PAAF1: variants seen among roughly 807,000 people sequenced by gnomAD.
The protein encoded by PAAF1 is proteasomal ATPase associated factor 1.
A neutral mutation model predicts 52.8 loss-of-function variants in PAAF1; 46 were observed. The ratio of observed to expected loss-of-function variants is 0.87; its 90% CI spans 0.69 to 1.11. The LOEUF is 1.11. Ranked by LOEUF, PAAF1 falls within the 50% of genes most tolerant of loss-of-function variation. The pLI, the probability that PAAF1 is intolerant of heterozygous loss-of-function variation, is 0.00. For missense variants in PAAF1, 424 were observed against 477.4 expected, an observed-to-expected ratio of 0.89 and a Z score of 1.04; for synonymous variants, 178 against 172.8, an observed-to-expected ratio of 1.03 and a Z score of -0.24.
intron 7 of PAAF1, among the ~76,000 whole-genome samples, chr11:73,909,876 C>T (rs1400465209): frequency 1.3e-5 from 2 of 152,058 alleles, no homozygotes; most frequent in Admixed American, 1.3e-4. Flanking sequence ...CTTCCCTGGG[C>T]CACATTGGAA....
At chr11:73,896,755 C>T (rs933500910) in intron 4 of PAAF1, among the ~76,000 whole-genome samples, 17 of 152,362 alleles carry the variant, frequency 1.1e-4, no homozygotes, top group African/African-American at 3.4e-4. Flanking sequence ...CCTTTCCCCC[C>T]TTTCTATTCT....
intron 10 of PAAF1, chr11:73,922,237 AC>A: frequency 1.6e-6 from 1 of 628,772 alleles, no homozygotes; most frequent in South Asian, 1.4e-5. Flanking sequence ...GATTTTTTGT[AC>A]TTTTCTACTT....
intron 11 of PAAF1, 46 bp downstream of exon 11, chr11:73,924,743 A>G: frequency 6.8e-7 from 1 of 1,474,228 alleles, no homozygotes; most frequent in Non-Finnish European, 9.5e-7. Flanking sequence ...CTCATGAGAG[A>G]TCTAGGGCTT....
At chr11:73,882,159 G>A (rs1033378705) in intron 2 of PAAF1, among the ~76,000 whole-genome samples, 2 of 151,872 alleles carry the variant, frequency 1.3e-5, no homozygotes, top group Non-Finnish European at 2.9e-5. Flanking sequence ...GGGATTACAG[G>A]CGTGAGCCAC....
Position 73,903,830 on chromosome 11 carries a change from T to A in PAAF1, c.532+3410T>A, listed in dbSNP as rs189678148. On this transcript the variant is annotated intron_variant, in intron 6 of 11. Transcript: ENST00000310571. ...CGGGCGCAGCGTCTCACCCCTGTAA[T>A]CCCAGTACTTTGGGAGGCCGAGGTG... Among the ~76,000 whole-genome samples, 449 of 151,176 alleles carry A rather than the reference T, an allele frequency of 3.0e-3. 2 individuals carry two copies. Among genetic ancestry groups the A allele is most frequent in the African/African-American group, 0.01 (419 of 41,146 alleles).
chr11:73,880,722 G>C (rs1948878458), intron 2 of PAAF1: 1 of 133,992 alleles, frequency 7.5e-6, no homozygotes, highest in Non-Finnish European at 1.5e-5. Flanking sequence ...AAAAAAGCCA[G>C]GCACAGCAGC....
At chr11:73,902,157 TG>T (rs1949639073) in intron 6 of PAAF1, among the ~76,000 whole-genome samples, 1 of 152,102 alleles carries the variant, frequency 6.6e-6, no homozygotes, top group Non-Finnish European at 1.5e-5. Context: ...CCACTGCGCC[TG>T]GCCCAAGTTT....
intron 4 of PAAF1, among the ~76,000 whole-genome samples, chr11:73,897,545 T>C (rs977800127): frequency 4.5e-5 from 6 of 131,898 alleles, no homozygotes; most frequent in Non-Finnish European, 9.6e-5. Context: ...TCTCAGACGA[T>C]GGGCGGCCGG....
chr11:73,911,622 C>CTTT (rs781166373), intron 7 of PAAF1, among the ~76,000 whole-genome samples: 20 of 120,504 alleles, frequency 1.7e-4, no homozygotes, highest in South Asian at 2.9e-4. Context: ...AGTGACCTTC[C>CTTT]TTTTTTTTTT....
At chr11:73,887,248 A>T (rs1456181698) in intron 2 of PAAF1, 106 bp from the exon 3 acceptor site, 2 of 739,654 alleles carry the variant, frequency 2.7e-6, no homozygotes, top group Non-Finnish European at 4.3e-6. Context: ...TTCGTGGGCC[A>T]ATTTCATGGG....
intron 10 of PAAF1, chr11:73,921,725 G>T: frequency 1.8e-6 from 2 of 1,085,690 alleles, no homozygotes; most frequent in Non-Finnish European, 2.8e-6. Flanking sequence ...CACTTGCAGC[G>T]TTTATCATTC....
chr11:73,881,084 C>T (rs1323563955), intron 2 of PAAF1, among the ~76,000 whole-genome samples: 1 of 152,106 alleles, frequency 6.6e-6, no homozygotes, highest in Non-Finnish European at 1.5e-5. Flanking sequence ...CATTAAAATT[C>T]ACCTTCTCTT....
intron 10 of PAAF1, among the ~76,000 whole-genome samples, chr11:73,923,470 G>A (rs932900870): frequency 2.0e-5 from 3 of 152,022 alleles, no homozygotes; most frequent in African/African-American, 7.2e-5. Flanking sequence ...GGTGATTTTT[G>A]TACCTCTGCT....
At chr11:73,916,754 A>G (rs949558311) in intron 9 of PAAF1, 94 bp downstream of exon 9, 16 of 746,128 alleles carry the variant, frequency 2.1e-5, no homozygotes, top group African/African-American at 7.1e-5. Context: ...ATAGATAACT[A>G]TTGAATCAAG....
intron 2 of PAAF1, 184 bp downstream of exon 2, chr11:73,879,003 AT>A (rs1449819626): frequency 1.6e-5 from 7 of 428,360 alleles, no homozygotes; most frequent in African/African-American, 1.2e-4. Flanking sequence ...CTTCAGATTG[AT>A]TTTCCATTTG....
At chr11:73,878,868 A>G (rs1426361580) in intron 2 of PAAF1, 49 bp downstream of exon 2, 1 of 1,553,828 alleles carries the variant, frequency 6.4e-7, no homozygotes, top group Non-Finnish European at 8.8e-7. Flanking sequence ...AGAAGGATTA[A>G]TACCCTTAAA....
intron 2 of PAAF1, among the ~76,000 whole-genome samples, chr11:73,880,861 G>A (rs573268985): frequency 2.6e-5 from 4 of 151,792 alleles, no homozygotes; most frequent in Non-Finnish European, 4.4e-5. Flanking sequence ...TTACCTGGGC[G>A]TGGTGGTGCA....
chr11:73,896,821 C>T (rs1278749543), intron 4 of PAAF1, among the ~76,000 whole-genome samples: 2 of 152,194 alleles, frequency 1.3e-5, no homozygotes, highest in Non-Finnish European at 2.9e-5. Flanking sequence ...GGTACACCTC[C>T]CAGACGGGGT....
Position 73,888,450 on chromosome 11 carries a change from G to A in PAAF1, c.192+993G>A, listed in dbSNP as rs772910995. ...AGGTGAGTAGATGGGTAAGCAAAGC[G>A]TTGGAGAACCCATGATTTGCCTCTC... On this transcript the variant is annotated intron_variant, in intron 3 of 11. Transcript: ENST00000310571. Among the ~76,000 whole-genome samples the A allele has an allele frequency of 1.3e-5, 2 of 152,272 alleles. 1 individual carries two copies. The highest frequency in any genetic ancestry group is 1.3e-4 in the Admixed American group (2 of 15,280).
Sources: allele counts gnomAD v4.1 joint callset (sites outside exome capture counted in the v4.1 genomes callset), GRCh38; gene constraint gnomAD v4.1.1; transcripts MANE v1.5; gene names NCBI Gene and HGNC (gene_info 2026-07-23, HGNC 2026-07-21).